RSPRY1: variants seen among roughly 807,000 people sequenced by gnomAD.
RSPRY1 encodes the protein ring finger and SPRY domain containing 1.
In RSPRY1, 23 loss-of-function variants were observed where a neutral mutation model predicts 73.1. The observed-to-expected ratio is 0.31, with a 90% CI of 0.23 to 0.45. The LOEUF (loss-of-function observed/expected upper bound fraction) is 0.45. Among genes scored for constraint, RSPRY1 ranks in the 20% least tolerant of loss-of-function variants. The pLI, the probability that RSPRY1 is intolerant of heterozygous loss-of-function variation, is 1.00. For missense variants in RSPRY1, 448 were observed against 698.7 expected (o/e 0.64, Z 4.05); for synonymous variants, 226 against 251.4 (o/e 0.90, Z 0.95).
intron 1 of RSPRY1, among the ~76,000 whole-genome samples, chr16:57,199,016 G>T (rs1597860849): frequency 6.6e-6 from 1 of 152,202 alleles, no homozygotes. Context: ...CATCCCCAAA[G>T]TGTTAGTTGG....
intron 1 of RSPRY1, among the ~76,000 whole-genome samples, chr16:57,195,474 T>TA (rs1248737638): frequency 6.6e-6 from 1 of 151,998 alleles, no homozygotes; most frequent in Non-Finnish European, 1.5e-5. Flanking sequence ...ATCACACCAT[T>TA]ACACTCCAGT....
chr16:57,186,320 G>T, upstream of RSPRY1: 1 of 235,702 alleles, frequency 4.2e-6, no homozygotes, highest in Non-Finnish European at 7.0e-6. Flanking sequence ...GGTACGAAGC[G>T]GGGGTGGGCT....
At chr16:57,213,998 A>ACT in intron 6 of RSPRY1, 52 bp downstream of exon 6, 7 of 1,208,858 alleles carry the variant, frequency 5.8e-6, no homozygotes, top group Non-Finnish European at 8.6e-6. Context: ...AGTGGGCATC[A>ACT]TCTAGAACTG....
chr16:57,226,235 A>C (rs1367136912), intron 10 of RSPRY1, among the ~76,000 whole-genome samples: 1 of 152,226 alleles, frequency 6.6e-6, no homozygotes, highest in Non-Finnish European at 1.5e-5. Context: ...GCTACATGCA[A>C]GAAAGGTATT....
At chr16:57,229,769 G>T (rs560761989) in intron 11 of RSPRY1, among the ~76,000 whole-genome samples, 1 of 111,544 alleles carries the variant, frequency 9.0e-6, no homozygotes, top group Non-Finnish European at 1.7e-5. Context: ...GCAGTGGCGC[G>T]ATCTCAGCTC....
At position 57,204,585 on chromosome 16, in the gene RSPRY1, T is replaced by G. The variant is rs1265390358; in HGVS notation, c.-74T>G. 1.1e-5 allele frequency: 16 copies of G among 1,396,140 alleles called. No homozygotes were observed. Among genetic ancestry groups the G allele is most frequent in the Non-Finnish European group, 1.6e-5 (16 of 1,010,150 alleles). 86.5% of individuals were successfully genotyped at this position (1,396,140 alleles called of 1,614,324 possible). A position where few individuals can be genotyped will look rare whatever the true frequency, so the allele number is the denominator to read the frequency against. ...GCAACTTTCTTTGGCATTCAGTTGT[T>G]AAAAACAAATAGGATGCAAATTCCT... is the stretch of plus-strand genomic sequence containing the variant. On this transcript the variant is annotated 5_prime_UTR_variant, in exon 2 of 15. An upstream open reading frame in the 5' UTR gains an earlier in-frame stop. Transcript: ENST00000394420.
intron 7 of RSPRY1, 35 bp from the exon 8 acceptor site, chr16:57,216,869 C>T: frequency 6.3e-7 from 1 of 1,598,986 alleles, no homozygotes. Flanking sequence ...TCTACCCTTT[C>T]ATTGTTAATT....
chr16:57,209,724 C>T (rs1471018197), intron 4 of RSPRY1, among the ~76,000 whole-genome samples: 2 of 152,034 alleles, frequency 1.3e-5, no homozygotes, highest in Non-Finnish European at 2.9e-5. Context: ...CCCAGGCTGG[C>T]GTGCAGTAGA....
intron 1 of RSPRY1, among the ~76,000 whole-genome samples, chr16:57,196,101 C>G (rs1445196017): frequency 6.7e-6 from 1 of 149,374 alleles, no homozygotes; most frequent in Non-Finnish European, 1.5e-5. Flanking sequence ...TACTCATTTT[C>G]TATTCCGTTC....
intron 1 of RSPRY1, among the ~76,000 whole-genome samples, chr16:57,200,783 T>G (rs1371021539): frequency 0.021 from 281 of 13,616 alleles, 6 homozygotes; most frequent in African/African-American, 0.11. Flanking sequence ...CTGGCCGGGC[T>G]GGGGGCTGGC....
intron 8 of RSPRY1, among the ~76,000 whole-genome samples, chr16:57,217,700 G>A (rs1040127569): frequency 6.6e-6 from 1 of 152,132 alleles, no homozygotes; most frequent in Non-Finnish European, 1.5e-5. Context: ...CCTCATGTCT[G>A]CACTCAAAAA....
chr16:57,191,708 T>C (rs2074355016), intron 1 of RSPRY1, among the ~76,000 whole-genome samples: 1 of 152,248 alleles, frequency 6.6e-6, no homozygotes, highest in Non-Finnish European at 1.5e-5. Flanking sequence ...CAACAATATT[T>C]TGGCTTATAA....
chr16:57,232,625 T>C (rs189329022), intron 13 of RSPRY1, among the ~76,000 whole-genome samples: 1 of 152,290 alleles, frequency 6.6e-6, no homozygotes, highest in East Asian at 1.9e-4. Flanking sequence ...GGACAATTGA[T>C]CCATCTAAGT....
At chr16:57,201,255 G>A (rs1193015596) in intron 1 of RSPRY1, among the ~76,000 whole-genome samples, 1 of 151,798 alleles carries the variant, frequency 6.6e-6, no homozygotes, top group Non-Finnish European at 1.5e-5. Flanking sequence ...GTGGCTGCCA[G>A]GTGGAGGGGC....
intron 1 of RSPRY1, among the ~76,000 whole-genome samples, chr16:57,197,925 TACATTACCCAAG>T (rs2074481479): frequency 7.8e-6 from 1 of 128,102 alleles, no homozygotes; most frequent in Non-Finnish European, 1.7e-5. Context: ...GGGGTCTTGC[TACATTACCCAAG>T]CTGGTCTCAG....
chr16:57,234,257 C>T (rs1274091791), intron 13 of RSPRY1, among the ~76,000 whole-genome samples: 1 of 152,198 alleles, frequency 6.6e-6, no homozygotes, highest in Non-Finnish European at 1.5e-5. Flanking sequence ...CTTACTTCCT[C>T]ACTCCCTTTA....
chr16:57,202,016 G>C (rs1373429274), intron 1 of RSPRY1, among the ~76,000 whole-genome samples: 1 of 151,984 alleles, frequency 6.6e-6, no homozygotes, highest in African/African-American at 2.4e-5. Context: ...TTTGAAATAG[G>C]AATATTAAAG....
At chr16:57,217,679 T>A (rs1252059485) in intron 8 of RSPRY1, among the ~76,000 whole-genome samples, 2 of 152,226 alleles carry the variant, frequency 1.3e-5, no homozygotes, top group Non-Finnish European at 2.9e-5. Flanking sequence ...CCATTGAGCA[T>A]TTCCTTTGAG....
At chr16:57,194,598 C>T (rs1213578614) in intron 1 of RSPRY1, among the ~76,000 whole-genome samples, 1 of 152,150 alleles carries the variant, frequency 6.6e-6, no homozygotes, top group Non-Finnish European at 1.5e-5. Flanking sequence ...GTCACATCCT[C>T]TAACACTATT....
Sources: gnomAD v4.1 joint callset for allele counts (sites outside exome capture counted in the v4.1 genomes callset) on GRCh38, gnomAD v4.1.1 for gene constraint, MANE v1.5 for transcripts, NCBI Gene and HGNC (gene_info 2026-07-23, HGNC 2026-07-21) for gene names.